PKHD1: variants seen among roughly 807,000 people sequenced by gnomAD.
The protein encoded by PKHD1 is fibrocystin.
Under a neutral mutation model 412.0 loss-of-function variants are expected in PKHD1, and 291 were observed. The ratio of observed to expected loss-of-function variants is 0.71; its 90% CI spans 0.64 to 0.78. PKHD1 has a LOEUF of 0.78. PKHD1 is among the 30% of genes least tolerant of loss of function. The pLI, the probability that PKHD1 is intolerant of heterozygous loss-of-function variation, is 0.00. For missense variants in PKHD1, 4,825 were observed against 4,950.7 expected, an observed-to-expected ratio of 0.97 and a Z score of 0.76; for synonymous variants, 1,777 against 1,821.5, an observed-to-expected ratio of 0.98 and a Z score of 0.62.
At chr6:51,739,994 G>A (rs773854703) in intron 60 of PKHD1, 70 of 518,918 alleles carry the variant, frequency 1.3e-4, no homozygotes, top group Admixed American at 1.2e-3. Context: ...ACCTGAATGG[G>A]ACATTAATTT....
chr6:51,845,810 G>A (rs922515215), intron 50 of PKHD1, among the ~76,000 whole-genome samples: 1 of 152,092 alleles, frequency 6.6e-6, no homozygotes, highest in African/African-American at 2.4e-5. Flanking sequence ...ATAGCTGCAT[G>A]ATTTAATTTT....
rs868316523 is a variant in PKHD1 at position 51,981,992 on chromosome 6, C to T, written c.5752-21966G>A. On this transcript the variant is annotated intron_variant, in intron 35 of 66. Transcript: ENST00000371117. ...GCCGCCCTGTCTGGGATGTGAGGAGCGCCTCTGCTGGCCGCAACCCCGTCT... is the reference window on the plus strand; with the variant it reads ...GCCGCCCTGTCTGGGATGTGAGGAGTGCCTCTGCTGGCCGCAACCCCGTCT... Among the ~76,000 whole-genome samples the T allele has an allele frequency of 5.1e-3, 357 of 69,574 alleles. 7 individuals carry two copies. The highest frequency in any genetic ancestry group is 0.012 in the African/African-American group (333 of 26,836). The allele number at this position is 69,574 out of a possible 152,430, so 45.6% of individuals were successfully genotyped here. A position where few individuals can be genotyped will look rare whatever the true frequency, so the allele number is the denominator to read the frequency against.
At position 52,033,640 on chromosome 6, in the gene PKHD1, T is replaced by A. The variant is rs147464530; in HGVS notation, c.3229-475A>T. On this transcript the variant is annotated intron_variant, in intron 28 of 66. Transcript: ENST00000371117. ...CATAAAATAAATAATAATTTAAATA[T>A]ATATATATATCTGAAACCCAAGAAA... Among the ~76,000 whole-genome samples the A allele has an allele frequency of 6.9e-4, 105 of 151,276 alleles. 1 individual carries two copies. In the East Asian group the frequency reaches 0.016, roughly 24 times the overall value.
At chr6:51,908,979 C>A (rs934680031) in intron 40 of PKHD1, among the ~76,000 whole-genome samples, 1 of 152,118 alleles carries the variant, frequency 6.6e-6, no homozygotes, top group Admixed American at 6.6e-5. Flanking sequence ...AGTGATAGTT[C>A]TCAAACTGGA....
chr6:51,626,413 AT>A (rs1305316108), intron 66 of PKHD1, among the ~76,000 whole-genome samples: 22 of 152,200 alleles, frequency 1.4e-4, no homozygotes, highest in African/African-American at 5.1e-4. Flanking sequence ...AGGGCAAAGC[AT>A]TCATCCCAGG....
At chr6:51,956,451 T>C (rs951418691) in intron 36 of PKHD1, among the ~76,000 whole-genome samples, 6 of 152,014 alleles carry the variant, frequency 3.9e-5, no homozygotes, top group Non-Finnish European at 8.8e-5. Flanking sequence ...TACTTGTCCA[T>C]TCTTTCTACA....
At chr6:51,886,104 C>A (rs1308015654) in intron 44 of PKHD1, 132 bp from the exon 45 acceptor site, 6 of 713,434 alleles carry the variant, frequency 8.4e-6, no homozygotes, top group Middle Eastern at 3.2e-4. Flanking sequence ...TGACCCTCCC[C>A]CTAACTGTTC....
Position 51,918,412 on chromosome 6 carries a change from T to C in PKHD1, c.6122-5836A>G, listed in dbSNP as rs1784165123. Among the ~76,000 whole-genome samples the C allele has an allele frequency of 2.0e-5, 3 of 152,254 alleles. No homozygotes were observed. The South Asian group carries it at 6.2e-4, about 32-fold the overall frequency. ...CCCTCCCTGTGTCCATGTGTTGTCATTGTTCAACTCCTGCTTATGAGTGAG... is the reference window on the plus strand; with the variant it reads ...CCCTCCCTGTGTCCATGTGTTGTCACTGTTCAACTCCTGCTTATGAGTGAG... On this transcript the variant is annotated intron_variant, in intron 37 of 66. Coordinates refer to ENST00000371117, the MANE Select transcript of PKHD1 (RefSeq NM_138694.4).
intron 60 of PKHD1, among the ~76,000 whole-genome samples, chr6:51,674,785 C>T (rs1354772153): frequency 1.3e-5 from 2 of 152,106 alleles, no homozygotes; most frequent in Non-Finnish European, 2.9e-5. Flanking sequence ...TTTGTCAAAT[C>T]ACATATTTGC....
Position 51,616,606 on chromosome 6 carries a change from C to T in PKHD1, c.*2475G>A, listed in dbSNP as rs140656039. The T allele has an allele frequency of 2.5e-6, 1 of 397,160 alleles. No homozygotes were observed. The highest frequency in any genetic ancestry group is 1.3e-4 in the South Asian group (1 of 7,828). The allele number at this position is 397,160 out of a possible 1,614,324, so 24.6% of individuals were successfully genotyped here. On this transcript the variant is annotated 3_prime_UTR_variant, in exon 67 of 67. Coordinates refer to ENST00000371117, the MANE Select transcript of PKHD1 (RefSeq NM_138694.4). ...TTTAGCTAGATGCCAAAATTCCATG[C>T]CACATGCTAGAGCCTGGCAAGTTAC...
At chr6:52,043,184 T>C in intron 26 of PKHD1, 50 bp from the exon 27 acceptor site, 1 of 1,427,280 alleles carries the variant, frequency 7.0e-7, no homozygotes, top group Non-Finnish European at 9.7e-7. Flanking sequence ...CTCTCAGTGA[T>C]ATTACTTCAT....
chr6:51,804,608 A>G (rs937352778), intron 52 of PKHD1, among the ~76,000 whole-genome samples: 2 of 142,258 alleles, frequency 1.4e-5, no homozygotes, highest in African/African-American at 5.1e-5. Flanking sequence ...GCAAAACTTC[A>G]TAAGCACAAA....
intron 60 of PKHD1, among the ~76,000 whole-genome samples, chr6:51,675,968 T>C (rs1775771965): frequency 6.6e-6 from 1 of 152,128 alleles, no homozygotes; most frequent in South Asian, 2.1e-4. Context: ...GGTCATTCAG[T>C]ATGCTCTGTC....
rs145660710 is a variant in PKHD1, at chr6:52,053,297, C to A, written c.1965-46G>T. Reference sequence around the variant, plus strand: ...GAACTGGGCTCTCAGGGAGCACTTGCAGTCCTCTCCGGTTAGAGCCCTTGT... The same window carrying A: ...GAACTGGGCTCTCAGGGAGCACTTGAAGTCCTCTCCGGTTAGAGCCCTTGT... On this transcript the variant is annotated intron_variant, in intron 20 of 66. Transcript: ENST00000371117. The A allele has an allele frequency of 1.6e-5, 26 of 1,594,496 alleles. No homozygotes were observed. The East Asian group carries it at 5.9e-4, about 36-fold the overall frequency.
intron 37 of PKHD1, among the ~76,000 whole-genome samples, chr6:51,913,385 G>A (rs560300974): frequency 3.9e-5 from 6 of 152,094 alleles, no homozygotes; most frequent in South Asian, 2.1e-4. Flanking sequence ...CAGCATACCC[G>A]CCTGACCATC....
In PKHD1 at chr6:51,644,366, T is replaced by C. The variant is rs569025145; in HGVS notation, c.11398+3665A>G. On this transcript the variant is annotated intron_variant, in intron 63 of 66. Transcript: ENST00000371117. ...GAAATGGTAGGCAATGTGCACCATA[T>C]GATAGGAACAGTTTTAGGCCAATAA... is the stretch of plus-strand genomic sequence containing the variant. Among the ~76,000 whole-genome samples the C allele has an allele frequency of 2.0e-5, 3 of 152,314 alleles. No individual in the cohort carries two copies. In the South Asian group the frequency reaches 6.2e-4, roughly 32 times the overall value.
At chr6:51,851,152 A>C (rs1255690578) in intron 49 of PKHD1, among the ~76,000 whole-genome samples, 2 of 152,202 alleles carry the variant, frequency 1.3e-5, no homozygotes, top group African/African-American at 2.4e-5. Context: ...TATTGAAAAA[A>C]ATCAAGTGGT....
chr6:51,990,109 C>T (rs1796862214), intron 35 of PKHD1, among the ~76,000 whole-genome samples: 1 of 151,104 alleles, frequency 6.6e-6, no homozygotes, highest in African/African-American at 2.4e-5. Flanking sequence ...AGATTGTCCT[C>T]CTGGTGTGAC....
intron 48 of PKHD1, among the ~76,000 whole-genome samples, chr6:51,863,376 C>A (rs1774508505): frequency 6.6e-6 from 1 of 152,132 alleles, no homozygotes; most frequent in African/African-American, 2.4e-5. Context: ...AATTCGAAGA[C>A]AGAATCAAGG....
Sources: gnomAD v4.1 joint callset for allele counts (sites outside exome capture counted in the v4.1 genomes callset) on GRCh38, gnomAD v4.1.1 for gene constraint, MANE v1.5 for transcripts, NCBI Gene and HGNC (gene_info 2026-07-23, HGNC 2026-07-21) for gene names.